The following ADAM21 variants were observed in gnomAD, a reference collection of about 807,000 sequenced individuals.
The protein encoded by ADAM21 is disintegrin and metalloproteinase domain-containing protein 21.
For missense variants in ADAM21, 678 were observed against 874.4 expected (o/e 0.78, Z 2.83); for synonymous variants, 262 against 306.0 (o/e 0.86, Z 1.50).
rs765536904 is a variant in ADAM21 at position 70,458,845 on chromosome 14, G to A, written c.1346G>A (p.Gly449Glu). The A allele has an allele frequency of 1.9e-6, 3 of 1,614,000 alleles. No homozygotes were observed. The highest frequency in any genetic ancestry group is 3.3e-5 in the Admixed American group (2 of 59,994). The change falls in exon 2 of 2, where the codon GGG becomes GAG. Residue 449 changes from glycine (G) to glutamate (E), a missense_variant. Physicochemically the swap from Gly to Glu is moderately conservative, Grantham distance 98. Transcript: ENST00000603540. The part of the protein sequence containing the change: ...TLRPGAACAF[G>E]LCCKDCKFMP... ...AGGCCTGGGGCTGCCTGTGCTTTTGGGCTTTGTTGCAAAGACTGCAAGTTC... is the reference window on the plus strand; with the variant it reads ...AGGCCTGGGGCTGCCTGTGCTTTTGAGCTTTGTTGCAAAGACTGCAAGTTC...
At position 70,458,190 on chromosome 14, in the gene ADAM21, G is replaced by A. The variant is rs766804005; in HGVS notation, c.691G>A (p.Val231Met). 1 of 1,613,888 alleles carries A rather than the reference G, an allele frequency of 6.2e-7. No individual in the cohort carries two copies. The highest frequency in any genetic ancestry group is 1.7e-5 in the Admixed American group (1 of 60,002). The change falls in exon 2 of 2, where the codon GTG (valine) becomes ATG (methionine). Residue 231 changes from valine to methionine, a missense_variant. Transcript: ENST00000603540. ...TTACTCTCAAAGCAACATCTCAAAG[G>A]TGCAAGAGGATGTATTTCTTGTTGT... ...FIYSQSNISKVQEDVFLVVNI... is the reference protein window; with the variant it reads ...FIYSQSNISKMQEDVFLVVNI...
chr14:70,456,000 G>A (rs1256789777), intron 1 of ADAM21, among the ~76,000 whole-genome samples: 1 of 152,092 alleles, frequency 6.6e-6, no homozygotes, highest in Non-Finnish European at 1.5e-5. Flanking sequence ...GAGGATCCCT[G>A]AAGCATAAAC....
In ADAM21 at chr14:70,457,691, T is replaced by C. The variant is rs764069759; in HGVS notation, c.192T>C (p.Ser64=). 1.2e-6 allele frequency: 2 copies of C among 1,613,980 alleles called. No homozygotes were observed. The highest frequency in any genetic ancestry group is 8.5e-7 in the Non-Finnish European group (1 of 1,179,966). Residue 64 remains serine (S), a synonymous_variant, in exon 2 of 2, where the codon AGT becomes AGC. Coordinates refer to ENST00000603540, the MANE Select transcript of ADAM21 (RefSeq NM_003813.4). ...SAKAPGWLSY[S]LRFGGQKHVV... is the part of the protein sequence containing the mutation. Reference sequence around the variant, plus strand: ...AGGCTCCTGGATGGCTCTCCTATAGTCTGCGGTTTGGGGGCCAGAAACACG... The same window carrying C: ...AGGCTCCTGGATGGCTCTCCTATAGCCTGCGGTTTGGGGGCCAGAAACACG...
In ADAM21 at chr14:70,457,342, C is replaced by T. The variant is rs1566636497; in HGVS notation, c.-151-7C>T. The T allele has an allele frequency of 7.5e-6, 8 of 1,069,338 alleles. No homozygotes were observed. The highest frequency in any genetic ancestry group is 1.1e-5 in the Non-Finnish European group (8 of 743,796). The allele number at this position is 1,069,338 out of a possible 1,614,324, so 66.2% of individuals were successfully genotyped here. A position where few individuals can be genotyped will look rare whatever the true frequency, so the allele number is the denominator to read the frequency against. On this transcript the variant is annotated splice_polypyrimidine_tract_variant and splice_region_variant and intron_variant, in intron 1 of 1. Coordinates refer to ENST00000603540, the MANE Select transcript of ADAM21 (RefSeq NM_003813.4). Reference sequence around the variant, plus strand: ...TTTCCAACCCATCTTTTTATTTTTACTTCCAGCACTGCAGTTCTGATCTAA... The same window carrying T: ...TTTCCAACCCATCTTTTTATTTTTATTTCCAGCACTGCAGTTCTGATCTAA...
chr14:70,459,349 A>C lies in ADAM21; in HGVS notation c.1850A>C (p.Lys617Thr). The change falls in exon 2 of 2, where the codon AAG (lysine) becomes ACG (threonine). Residue 617 changes from lysine to threonine, a missense_variant. Lys to Thr is a moderately conservative substitution (Grantham distance 78). Coordinates refer to ENST00000603540, the MANE Select transcript of ADAM21 (RefSeq NM_003813.4). ...VKDGTVCGPG[K>T]ICIHKKCVSL... The stretch of plus-strand genomic sequence containing the variant: ...GATGGTACTGTGTGTGGCCCAGGAA[A>C]GATCTGCATCCATAAGAAGTGTGTC... 3 of 1,614,214 alleles carry C rather than the reference A, an allele frequency of 1.9e-6. No homozygotes were observed. Among genetic ancestry groups the C allele is most frequent in the Non-Finnish European group, 2.5e-6 (3 of 1,180,030 alleles).
Position 70,459,567 on chromosome 14 carries a change from C to A in ADAM21, c.2068C>A (p.Pro690Thr). Reference sequence around the variant, plus strand: ...AGTTTTTTTGCCGCTGATTGTGATTCCTTCTTTGTCTGTTTTGACTTTCCT... The same window carrying A: ...AGTTTTTTTGCCGCTGATTGTGATTACTTCTTTGTCTGTTTTGACTTTCCT... Reference protein sequence around the residue: ...RGVFLPLIVIPSLSVLTFLFT... With the variant: ...RGVFLPLIVITSLSVLTFLFT... Residue 690 changes from proline (P) to threonine (T), a missense_variant, in exon 2 of 2, where the codon CCT becomes ACT. Coordinates refer to ENST00000603540, the MANE Select transcript of ADAM21 (RefSeq NM_003813.4). 1 of 1,614,122 alleles carries A rather than the reference C, an allele frequency of 6.2e-7. No individual in the cohort carries two copies. The highest frequency in any genetic ancestry group is 8.5e-7 in the Non-Finnish European group (1 of 1,180,008).
rs1594984315 is a variant in ADAM21, at chr14:70,459,379, T to C, written c.1880T>C (p.Leu627Pro). The C allele has an allele frequency of 6.2e-7, 1 of 1,614,158 alleles. No homozygotes were observed. Among genetic ancestry groups the C allele is most frequent in the East Asian group, 2.2e-5 (1 of 44,888 alleles). Residue 627 changes from leucine (L) to proline (P), a missense_variant, in exon 2 of 2, where the codon CTG becomes CCG. Transcript: ENST00000603540. ...TGCATCCATAAGAAGTGTGTCAGTC[T>C]GTCTGTCTTGTCACATGTCTGCCTT... Reference protein sequence around the residue: ...KICIHKKCVSLSVLSHVCLPE... With the variant: ...KICIHKKCVSPSVLSHVCLPE...
chr14:70,452,347 G>A (rs531245812), intron 1 of ADAM21, 84 bp downstream of exon 1: 1 of 153,254 alleles, frequency 6.5e-6, no homozygotes, highest in South Asian at 2.1e-4. Context: ...CTTAATTTTT[G>A]TTTTGTTTTC....
chr14:70,459,437 T>C lies in ADAM21; in HGVS notation c.1938T>C (p.Asn646=), dbSNP rs1288527977. The change falls in exon 2 of 2, where the codon AAT becomes AAC. Residue 646 remains asparagine (N), a synonymous_variant. Coordinates refer to ENST00000603540, the MANE Select transcript of ADAM21 (RefSeq NM_003813.4). ...PETCNMKGIC[N]NKHHCHCGYG... is the part of the protein sequence containing the mutation. ...CCTGCAATATGAAGGGGATCTGCAA[T>C]AACAAACATCACTGCCACTGTGGCT... 16 of 1,614,224 alleles carry C rather than the reference T, an allele frequency of 9.9e-6. No homozygotes were observed. The highest frequency in any genetic ancestry group is 1.4e-5 in the Non-Finnish European group (16 of 1,180,034).
At chr14:70,455,530 A>C (rs1889092099) in intron 1 of ADAM21, among the ~76,000 whole-genome samples, 1 of 152,198 alleles carries the variant, frequency 6.6e-6, no homozygotes. Context: ...TAAATATTAA[A>C]AGGTTGAAAA....
intron 1 of ADAM21, among the ~76,000 whole-genome samples, chr14:70,454,528 A>T (rs965599931): frequency 1.3e-5 from 2 of 152,196 alleles, no homozygotes; most frequent in Admixed American, 6.5e-5. Context: ...ATGGGGGATG[A>T]TGAAAGAAAA....
intron 1 of ADAM21, among the ~76,000 whole-genome samples, chr14:70,456,326 A>C (rs1882406085): frequency 6.6e-6 from 1 of 152,150 alleles, no homozygotes; most frequent in African/African-American, 2.4e-5. Flanking sequence ...ACACATAAAG[A>C]CTTGTTTAAT....
Position 70,457,419 on chromosome 14 carries a change from G to C in ADAM21, c.-81G>C, listed in dbSNP as rs1354266074. On this transcript the variant is annotated 5_prime_UTR_variant, in exon 2 of 2. Transcript: ENST00000603540. ...TCAGCCCTGCATCCTGAGCAGCTTA[G>C]AGGGAGAAGCCAGACCAGCAGTGCC... is the stretch of plus-strand genomic sequence containing the variant. 1 of 1,592,090 alleles carries C rather than the reference G, an allele frequency of 6.3e-7. No homozygotes were observed. Among genetic ancestry groups the C allele is most frequent in the African/African-American group, 1.3e-5 (1 of 74,198 alleles).
intron 1 of ADAM21, among the ~76,000 whole-genome samples, chr14:70,457,083 T>C (rs1882423583): frequency 6.6e-6 from 1 of 152,228 alleles, no homozygotes. Context: ...TTCTTTACTT[T>C]TGCTTTTACT....
In ADAM21 at chr14:70,459,277, T is replaced by A; in HGVS notation, c.1778T>A (p.Ile593Asn). 6.2e-7 allele frequency: 1 copy of A among 1,614,198 alleles called. No individual in the cohort carries two copies. The highest frequency in any genetic ancestry group is 1.7e-5 in the Admixed American group (1 of 60,024). ...ATCAATGGTGTCACCTGCTGGGGTA[T>A]TGACTATCATTTAAGGATGAACATA... is the stretch of plus-strand genomic sequence containing the variant. ...THINGVTCWG[I>N]DYHLRMNISD... is the part of the protein sequence containing the mutation. The change falls in exon 2 of 2, where the codon ATT (isoleucine) becomes AAT (asparagine). Residue 593 changes from isoleucine to asparagine, a missense_variant. By Grantham distance (149) the Ile-to-Asn change is moderately radical. Transcript: ENST00000603540.
rs773442137 is a variant in ADAM21 at position 70,459,654 on chromosome 14, C to T, written c.2155C>T (p.His719Tyr). Reference sequence around the variant, plus strand: ...TTCTGGTCCCAAAGAAACTAAGGCTCATTCATCAGGTTAAGAAAATGTCTC... The same window carrying T: ...TTCTGGTCCCAAAGAAACTAAGGCTTATTCATCAGGTTAAGAAAATGTCTC... ...QCSGPKETKA[H>Y]SSG Residue 719 changes from histidine (H) to tyrosine (Y), a missense_variant, in exon 2 of 2, where the codon CAT becomes TAT. Coordinates refer to ENST00000603540, the MANE Select transcript of ADAM21 (RefSeq NM_003813.4). 1 of 1,613,740 alleles carries T rather than the reference C, an allele frequency of 6.2e-7. No homozygotes were observed. Among genetic ancestry groups the T allele is most frequent in the African/African-American group, 1.3e-5 (1 of 74,876 alleles).
At position 70,459,511 on chromosome 14, in the gene ADAM21, TTGACAGTGGCCCAGCA is replaced by T. The variant is rs1411212822; in HGVS notation, c.2014_2029del (p.Asp672LeufsTer10). 2 of 1,614,228 alleles carry T rather than the reference TTGACAGTGGCCCAGCA, an allele frequency of 1.2e-6. No individual in the cohort carries two copies. The highest frequency in any genetic ancestry group is 1.7e-6 in the Non-Finnish European group (2 of 1,180,034). On this transcript the variant is annotated frameshift_variant, in exon 2 of 2. Transcript: ENST00000603540. LOFTEE classifies it low-confidence loss of function (END_TRUNC). ...CAGCACAGAGGCTATGGGGGCAGTA[TTGACAGTGGCCCAGCA>T]TCTGCAAAGAGAGGAGTTTTTTTGC...
At position 70,458,803 on chromosome 14, in the gene ADAM21, T is replaced by C. The variant is rs534756166; in HGVS notation, c.1304T>C (p.Leu435Pro). The change falls in exon 2 of 2, where the codon CTG (leucine) becomes CCG (proline). Residue 435 changes from leucine (L) to proline (P), a missense_variant. By Grantham distance (98) the Leu-to-Pro change is moderately conservative. Transcript: ENST00000603540. ...VQQCEQDACC[L>P]LNCTLRPGAA... The stretch of plus-strand genomic sequence containing the variant: ...CAGTGTGAACAAGACGCCTGTTGTC[T>C]GTTGAACTGCACTCTAAGGCCTGGG... 110 of 1,614,070 alleles carry C rather than the reference T, an allele frequency of 6.8e-5. 2 individuals carry two copies. Among genetic ancestry groups the C allele is most frequent in the East Asian group, 3.8e-4 (17 of 44,882 alleles).
Position 70,458,357 on chromosome 14 carries a change from T to A in ADAM21, c.858T>A (p.Ser286Arg). ...LNDFSQWKQI[S>R]LSQLQHDAAH... ...ATTTCTCTCAATGGAAACAAATCAG[T>A]CTTTCCCAGCTACAGCATGATGCTG... is the stretch of plus-strand genomic sequence containing the variant. The change falls in exon 2 of 2, where the codon AGT becomes AGA. Residue 286 changes from serine (S) to arginine (R), a missense_variant. Transcript: ENST00000603540. 1.9e-6 allele frequency: 3 copies of A among 1,614,194 alleles called. No individual in the cohort carries two copies. Among genetic ancestry groups the A allele is most frequent in the Non-Finnish European group, 2.5e-6 (3 of 1,180,040 alleles).
Sources: gnomAD v4.1 joint callset for allele counts (sites outside exome capture counted in the v4.1 genomes callset) on GRCh38, gnomAD v4.1.1 for gene constraint, MANE v1.5 for transcripts, NCBI Gene and HGNC (gene_info 2026-07-23, HGNC 2026-07-21) for gene names.